The following TENM1 variants were observed in gnomAD, a reference collection of about 807,000 sequenced individuals.
The protein encoded by TENM1 is teneurin transmembrane protein 1, also known as teneurin-1.
TENM1 carries 35 observed loss-of-function variants against 174.8 expected under a neutral mutation model. The observed-to-expected ratio is 0.20, with a 90% CI of 0.15 to 0.27. The LOEUF is 0.27. Ranked by LOEUF, TENM1 falls within the 10% of genes least tolerant of loss-of-function variation. The probability of loss-of-function intolerance (pLI) is 1.00; values close to 1 mark genes in which losing one functional copy is unlikely to be tolerated. For missense variants in TENM1, 1,633 were observed against 2,130.1 expected (o/e 0.77, Z 4.59); for synonymous variants, 781 against 798.7 (o/e 0.98, Z 0.37).
intron 3 of TENM1, among the ~76,000 whole-genome samples, chrX:124,761,004 C>G (rs767188863): frequency 1.2e-4 from 13 of 112,084 alleles, no homozygotes; most frequent in Non-Finnish European, 2.3e-4. Context: ...GATACCATTT[C>G]ACACCAGTTA....
chrX:124,386,004 A>G (rs761868047), exon 29 of TENM1: 1 of 1,207,216 alleles, frequency 8.3e-7, no homozygotes, highest in African/African-American at 1.8e-5. Context: ...GAGAGCAGAC[A>G]ATCTGGTTGG....
intron 3 of TENM1, among the ~76,000 whole-genome samples, chrX:124,847,692 A>G (rs950573344): frequency 4.5e-5 from 5 of 111,595 alleles, no homozygotes; most frequent in Admixed American, 3.8e-4. Flanking sequence ...ATTGGATAAA[A>G]CTGAGTATTT....
intron 3 of TENM1, among the ~76,000 whole-genome samples, chrX:124,854,426 A>G (rs1569465340): frequency 9.0e-6 from 1 of 111,210 alleles, no homozygotes; most frequent in Non-Finnish European, 1.9e-5. Context: ...CAGGTGCACC[A>G]AAATCTCAGA....
the TENM1 span, among the ~76,000 whole-genome samples, chrX:125,040,617 A>C: frequency 9.0e-6 from 1 of 111,657 alleles, no homozygotes; most frequent in Non-Finnish European, 1.9e-5. Flanking sequence ...ATGATATTTT[A>C]AAACATCACT....
chrX:125,195,319 C>G, the TENM1 span, among the ~76,000 whole-genome samples: 1 of 111,725 alleles, frequency 9.0e-6, no homozygotes, highest in Non-Finnish European at 1.9e-5. Flanking sequence ...ATATCTGGGA[C>G]CAGTGTTCTC....
At chrX:124,757,990 T>G (rs1181086623) in intron 3 of TENM1, among the ~76,000 whole-genome samples, 1 of 111,840 alleles carries the variant, frequency 8.9e-6, no homozygotes, top group Non-Finnish European at 1.9e-5. Context: ...AACAACAGAA[T>G]TTTTTTGAAA....
intron 11 of TENM1, among the ~76,000 whole-genome samples, chrX:124,614,187 G>C (rs1274604238): frequency 9.0e-6 from 1 of 111,428 alleles, no homozygotes; most frequent in Non-Finnish European, 1.9e-5. Flanking sequence ...GAGGAGAAAG[G>C]GGTTAGAACA....
At chrX:124,551,524 ACACC>A (rs1423626751) in intron 14 of TENM1, among the ~76,000 whole-genome samples, 2 of 91,803 alleles carry the variant, frequency 2.2e-5, no homozygotes, top group South Asian at 1.1e-3. Context: ...TAACACACAC[ACACC>A]CACACACACA....
chrX:124,727,958 T>C (rs1220546664), intron 4 of TENM1, among the ~76,000 whole-genome samples: 1 of 111,637 alleles, frequency 9.0e-6, no homozygotes, highest in Non-Finnish European at 1.9e-5. Flanking sequence ...CTCAGTTCTA[T>C]TGTTTTCTTT....
At chrX:124,565,797 C>A (rs1182738963) in intron 11 of TENM1, among the ~76,000 whole-genome samples, 1 of 111,127 alleles carries the variant, frequency 9.0e-6, no homozygotes, top group African/African-American at 3.3e-5. Flanking sequence ...AGCCACCATG[C>A]CCTGCCCATA....
At chrX:125,196,005 A>AGAAG in the TENM1 span, among the ~76,000 whole-genome samples, 75 of 96,408 alleles carry the variant, frequency 7.8e-4, no homozygotes, top group African/African-American at 3.0e-3. Context: ...AAGGAAGAAA[A>AGAAG]GAAGGAACGA....
intron 23 of TENM1, among the ~76,000 whole-genome samples, chrX:124,423,381 G>A (rs2147754033): frequency 8.9e-6 from 1 of 111,757 alleles, no homozygotes; most frequent in African/African-American, 3.3e-5. Context: ...TATTCGCTGA[G>A]TACCTTTCTC....
the TENM1 span, among the ~76,000 whole-genome samples, chrX:125,190,627 A>C: frequency 2.7e-5 from 3 of 111,584 alleles, no homozygotes; most frequent in Non-Finnish European, 3.8e-5. Context: ...TAAAACTGGC[A>C]TATTCCTCTC....
At chrX:124,559,930 TC>T (rs776316366) in intron 14 of TENM1, among the ~76,000 whole-genome samples, 4 of 110,947 alleles carry the variant, frequency 3.6e-5, no homozygotes, top group Non-Finnish European at 5.7e-5. Context: ...GTCAGAAGTT[TC>T]ATGGGAGATA....
At chrX:124,681,320 G>C (rs927557501) in intron 5 of TENM1, among the ~76,000 whole-genome samples, 2 of 111,807 alleles carry the variant, frequency 1.8e-5, no homozygotes, top group African/African-American at 6.5e-5. Context: ...TATAAGATGT[G>C]AACAGATGAG....
intron 3 of TENM1, among the ~76,000 whole-genome samples, chrX:124,876,132 T>C (rs369305404): frequency 2.7e-5 from 3 of 110,912 alleles, no homozygotes; most frequent in African/African-American, 9.8e-5. Flanking sequence ...AGTTTTCTCA[T>C]CGTAAATGGG....
intron 23 of TENM1, among the ~76,000 whole-genome samples, chrX:124,442,751 C>G (rs933378153): frequency 1.8e-5 from 2 of 111,028 alleles, no homozygotes; most frequent in African/African-American, 6.6e-5. Context: ...CAGCCTTGTC[C>G]CCTGGGTTAA....
intron 3 of TENM1, among the ~76,000 whole-genome samples, chrX:124,842,273 C>A (rs180733774): frequency 0.011 from 1,223 of 111,597 alleles, 14 homozygotes; most frequent in African/African-American, 0.038. Flanking sequence ...AAATGAAAAA[C>A]CCCTGAAGAC....
the TENM1 span, among the ~76,000 whole-genome samples, chrX:124,973,703 T>G: frequency 8.9e-6 from 1 of 111,795 alleles, no homozygotes; most frequent in Admixed American, 9.6e-5. Context: ...TGGCTCTCTA[T>G]TATTGGCATA....
Sources: allele counts gnomAD v4.1 joint callset (sites outside exome capture counted in the v4.1 genomes callset), GRCh38; gene constraint gnomAD v4.1.1; transcripts MANE v1.5; gene names NCBI Gene and HGNC (gene_info 2026-07-23, HGNC 2026-07-21).